Variants in VAV1 observed in about 807,000 individuals in gnomAD.
The protein encoded by VAV1 is vav guanine nucleotide exchange factor 1.
Under a neutral mutation model 128.1 loss-of-function variants are expected in VAV1, and 33 were observed. The ratio of observed to expected loss-of-function variants is 0.26; its 90% confidence interval spans 0.20 to 0.34. The LOEUF (loss-of-function observed/expected upper bound fraction) is 0.34, where lower values mean the gene tolerates loss of function less well. Ranked by LOEUF, VAV1 falls within the 10% of genes least tolerant of loss-of-function variation. VAV1 has a pLI of 1.00. For synonymous variants in VAV1, 394 were observed against 409.8 expected (o/e 0.96, Z 0.47); for missense variants, 715 against 1,093.7 (o/e 0.65, Z 4.88).
At chr19:6,817,326 A>G (rs1177432884) in intron 1 of VAV1, among the ~76,000 whole-genome samples, 3 of 151,882 alleles carry the variant, frequency 2.0e-5, no homozygotes, top group Non-Finnish European at 4.4e-5. Flanking sequence ...TGCCTTCCAA[A>G]GTGCTGCGAT....
At chr19:6,847,245 C>A (rs1972546159) in intron 22 of VAV1, among the ~76,000 whole-genome samples, 2 of 152,144 alleles carry the variant, frequency 1.3e-5, no homozygotes, top group South Asian at 4.1e-4. Context: ...TACTGCGCCG[C>A]CATCACTGCC....
At chr19:6,819,663 C>A (rs989264933) in intron 1 of VAV1, among the ~76,000 whole-genome samples, 2 of 152,156 alleles carry the variant, frequency 1.3e-5, no homozygotes, top group South Asian at 4.1e-4. Context: ...ACTCTACTGA[C>A]GAGTCTGCTT....
At position 6,848,112 on chromosome 19, in the gene VAV1, T is replaced by G; in HGVS notation, c.2127T>G (p.Ile709Met). ...VKDAAEFAIS[I>M]KYNVEVKHIK... ...ATGCAGCAGAATTTGCCATCAGCAT[T>G]AAGTAACTCCTTTCTCCCTGACTCA... Residue 709 changes from isoleucine (I) to methionine (M), a missense_variant and splice_region_variant, in exon 23 of 27, where the codon ATT (isoleucine) becomes ATG (methionine). Ile to Met is a conservative substitution (Grantham distance 10). This residue lies in a region of VAV1 where 407 missense variants were observed against 580.6 expected (regional missense o/e 0.70). Coordinates refer to ENST00000602142, the MANE Select transcript of VAV1 (RefSeq NM_005428.4). 1 of 1,549,886 alleles carries G rather than the reference T, an allele frequency of 6.5e-7. No homozygotes were observed. Among genetic ancestry groups the G allele is most frequent in the Non-Finnish European group, 8.7e-7 (1 of 1,155,354 alleles).
At chr19:6,774,622 A>G (rs1970580916) in intron 1 of VAV1, among the ~76,000 whole-genome samples, 1 of 148,660 alleles carries the variant, frequency 6.7e-6, no homozygotes, top group African/African-American at 2.5e-5. Context: ...TTTAGTAGAG[A>G]CAGGGTTTCA....
chr19:6,850,814 G>C, intron 24 of VAV1, 57 bp downstream of exon 24: 1 of 1,577,404 alleles, frequency 6.3e-7, no homozygotes, highest in African/African-American at 1.3e-5. Flanking sequence ...GACCCTCCCT[G>C]CACCTCCGCC....
At chr19:6,834,685 T>TA (rs894098139) in intron 19 of VAV1, among the ~76,000 whole-genome samples, 1 of 146,838 alleles carries the variant, frequency 6.8e-6, no homozygotes, top group African/African-American at 2.5e-5. Context: ...ATATATTTAT[T>TA]AAAAATATAT....
intron 15 of VAV1, 95 bp downstream of exon 15, chr19:6,832,295 A>G: frequency 8.5e-7 from 1 of 1,173,000 alleles, no homozygotes; most frequent in Non-Finnish European, 1.2e-6. Flanking sequence ...CTGACATGCC[A>G]TGGGACCACT....
chr19:6,825,091 A>G lies in VAV1; in HGVS notation c.693A>G (p.Gln231=), dbSNP rs1026075304. The change falls in exon 7 of 27, where the codon CAA becomes CAG. Residue 231 remains glutamine (Q), a synonymous_variant. Transcript: ENST00000602142. ...LKPLQRFLKP[Q]DIEIIFINIE... Reference sequence around the variant, plus strand: ...CCCTGCAACGGTTCCTGAAACCTCAAGACATTGAGATCATCTTTATCAACA... The same window carrying G: ...CCCTGCAACGGTTCCTGAAACCTCAGGACATTGAGATCATCTTTATCAACA... 3.1e-6 allele frequency: 5 copies of G among 1,613,092 alleles called. No homozygotes were observed. The highest frequency in any genetic ancestry group is 8.5e-7 in the Non-Finnish European group (1 of 1,179,996).
chr19:6,791,499 G>C lies in VAV1; in HGVS notation c.204+18488G>C, dbSNP rs534962405. Among the ~76,000 whole-genome samples, 5 of 152,142 alleles carry C rather than the reference G, an allele frequency of 3.3e-5. No individual in the cohort carries two copies. In the South Asian group the frequency reaches 1.0e-3, roughly 32 times the overall value. On this transcript the variant is annotated intron_variant, in intron 1 of 26. Transcript: ENST00000602142. ...GCTACCTCCTCGTCTCAAGGTCCTTGAGATATCTCCTCATTTTGAGGTCCT... is the reference window on the plus strand; with the variant it reads ...GCTACCTCCTCGTCTCAAGGTCCTTCAGATATCTCCTCATTTTGAGGTCCT...
chr19:6,836,490 C>T lies in VAV1; in HGVS notation c.1836C>T (p.Ala612=), dbSNP rs1269008117. The T allele has an allele frequency of 6.2e-7, 1 of 1,613,980 alleles. No individual in the cohort carries two copies. The highest frequency in any genetic ancestry group is 8.5e-7 in the Non-Finnish European group (1 of 1,180,038). ...ACGGGCTTCCTCCACCCCCTGGAGCCATTGGACCCTTTCTACGGCTCAACC... is the reference window on the plus strand; with the variant it reads ...ACGGGCTTCCTCCACCCCCTGGAGCTATTGGACCCTTTCTACGGCTCAACC... The part of the protein sequence containing the change: ...EYYGLPPPPG[A]IGPFLRLNPG... The change falls in exon 20 of 27, where the codon GCC becomes GCT. Residue 612 remains alanine, a synonymous_variant. Coordinates refer to ENST00000602142, the MANE Select transcript of VAV1 (RefSeq NM_005428.4).
At chr19:6,795,975 A>G (rs1370759179) in intron 1 of VAV1, among the ~76,000 whole-genome samples, 2 of 151,962 alleles carry the variant, frequency 1.3e-5, no homozygotes, top group African/African-American at 4.8e-5. Flanking sequence ...GAGCCACCGC[A>G]CCCGGCTAGT....
chr19:6,814,676 CTTTCTTTCTTTCTTTCTTTCTTTCTTT>C (rs1971593789), intron 1 of VAV1, among the ~76,000 whole-genome samples: 1 of 97,306 alleles, frequency 1.0e-5, no homozygotes, highest in South Asian at 3.4e-4. Context: ...TCCTTCCTTT[CTTTCTTTCTTTCTTTCTTTCTTTCTTT>C]CTTTCTTTCT....
At chr19:6,793,331 C>G (rs1971057932) in intron 1 of VAV1, among the ~76,000 whole-genome samples, 1 of 150,502 alleles carries the variant, frequency 6.6e-6, no homozygotes, top group South Asian at 2.1e-4. Flanking sequence ...GAGACTCCAT[C>G]TCAAAAAGAA....
intron 1 of VAV1, among the ~76,000 whole-genome samples, chr19:6,789,433 C>T (rs1053152361): frequency 1.3e-5 from 2 of 151,856 alleles, no homozygotes; most frequent in African/African-American, 2.4e-5. Flanking sequence ...TTTATATTTT[C>T]GTAGAGATGG....
In VAV1 at chr19:6,825,357, A is replaced by T; in HGVS notation, c.778A>T (p.Thr260Ser). Residue 260 changes from threonine to serine, a missense_variant, in exon 8 of 27, where the codon ACC becomes TCC. Coordinates refer to ENST00000602142, the MANE Select transcript of VAV1 (RefSeq NM_005428.4). The part of the protein sequence containing the change: ...FLKEMKEALG[T>S]PGAANLYQVF... The stretch of plus-strand genomic sequence containing the variant: ...AAAGGAGATGAAGGAAGCCCTGGGC[A>T]CCCCTGGCGCAGCCAATCTCTACCA... 1 of 1,613,786 alleles carries T rather than the reference A, an allele frequency of 6.2e-7. No homozygotes were observed. The highest frequency in any genetic ancestry group is 8.5e-7 in the Non-Finnish European group (1 of 1,179,904).
At chr19:6,780,112 A>AAATAATAATAAT (rs55937714) in intron 1 of VAV1, among the ~76,000 whole-genome samples, 8 of 127,530 alleles carry the variant, frequency 6.3e-5, no homozygotes, top group Non-Finnish European at 1.2e-4. Flanking sequence ...CTCTGTCTTA[A>AAATAATAATAAT]AATAATAATA....
chr19:6,784,332 G>A, intron 1 of VAV1: 1 of 457,316 alleles, frequency 2.2e-6, no homozygotes, highest in Non-Finnish European at 4.0e-6. Context: ...GGCCATGGGG[G>A]AGGAATTCAG....
At chr19:6,784,525 ACTCT>A (rs1168046843) in intron 1 of VAV1, among the ~76,000 whole-genome samples, 13 of 125,256 alleles carry the variant, frequency 1.0e-4, no homozygotes, top group Admixed American at 9.1e-5. Context: ...ACAGAGTTTC[ACTCT>A]CTCTCCCAGG....
chr19:6,851,837 C>T (rs1972679691), intron 24 of VAV1, among the ~76,000 whole-genome samples: 1 of 152,168 alleles, frequency 6.6e-6, no homozygotes, highest in African/African-American at 2.4e-5. Context: ...TCTTAGATTT[C>T]ACTTGATTCT....
Sources: allele counts gnomAD v4.1 joint callset (sites outside exome capture counted in the v4.1 genomes callset), GRCh38; gene constraint gnomAD v4.1.1; regional missense constraint gnomAD v4.1.1; transcripts MANE v1.5; gene names NCBI Gene and HGNC (gene_info 2026-07-23, HGNC 2026-07-21).